The following MDGA2 variants were observed in gnomAD, a reference collection of about 807,000 sequenced individuals.
MDGA2 encodes the protein MAM domain containing glycosylphosphatidylinositol anchor 2.
A neutral mutation model predicts 117.8 loss-of-function variants in MDGA2; 40 were observed. The observed-to-expected ratio is 0.34, with a 90% confidence interval of 0.26 to 0.44. The LOEUF is 0.44. Among genes scored for constraint, MDGA2 ranks in the 20% least tolerant of loss-of-function variants. The pLI is 1.00. For missense variants in MDGA2, 1,123 were observed against 1,250.6 expected (o/e 0.90, Z 1.54); for synonymous variants, 452 against 439.0 (o/e 1.03, Z -0.37).
chr14:47,492,010 C>T (rs528417121), intron 1 of MDGA2, among the ~76,000 whole-genome samples: 71 of 152,098 alleles, frequency 4.7e-4, no homozygotes, highest in African/African-American at 1.5e-3. Context: ...TGAGTTTGGT[C>T]GGCAAATATA....
intron 5 of MDGA2, among the ~76,000 whole-genome samples, chr14:47,105,972 TAGCC>T: frequency 8.8e-4 from 1 of 1,132 alleles, no homozygotes; most frequent in East Asian, 0.25. Flanking sequence ...GTTCCGTGAC[TAGCC>T]GACTAGCCCT....
intron 2 of MDGA2, among the ~76,000 whole-genome samples, chr14:47,222,741 C>A (rs951289294): frequency 2.0e-5 from 3 of 152,064 alleles, no homozygotes; most frequent in Non-Finnish European, 4.4e-5. Flanking sequence ...GACAGGCATG[C>A]TATTGAAACT....
At chr14:47,268,455 G>T (rs1324686409) in intron 2 of MDGA2, among the ~76,000 whole-genome samples, 1 of 151,992 alleles carries the variant, frequency 6.6e-6, no homozygotes, top group Non-Finnish European at 1.5e-5. Context: ...GATACTAAAA[G>T]AACAAATGGC....
intron 1 of MDGA2, among the ~76,000 whole-genome samples, chr14:47,302,348 C>T (rs574104145): frequency 1.3e-5 from 2 of 152,290 alleles, no homozygotes; most frequent in East Asian, 3.9e-4. Context: ...TGCTGCTTGC[C>T]ATCAAGTAAA....
intron 1 of MDGA2, among the ~76,000 whole-genome samples, chr14:47,421,815 G>A (rs923738654): frequency 6.6e-6 from 1 of 152,008 alleles, no homozygotes; most frequent in Non-Finnish European, 1.5e-5. Context: ...CTTCCTAAAT[G>A]TTCTTAATTT....
chr14:47,220,904 T>C (rs751696714), intron 2 of MDGA2, among the ~76,000 whole-genome samples: 2 of 152,210 alleles, frequency 1.3e-5, no homozygotes, highest in Non-Finnish European at 2.9e-5. Flanking sequence ...TTCAGTGATA[T>C]GCAAACATTC....
At position 47,510,463 on chromosome 14, in the gene MDGA2, C is replaced by A. The variant is rs117952871; in HGVS notation, c.280+164054G>T. On this transcript the variant is annotated intron_variant, in intron 1 of 16. Coordinates refer to ENST00000399232, the MANE Select transcript of MDGA2 (RefSeq NM_001113498.3). Reference sequence around the variant, plus strand: ...AGCCCTTTTAAGCAATTCTACAAACCTTAACTTATCTTGGCCTTTAGCCTT... The same window carrying A: ...AGCCCTTTTAAGCAATTCTACAAACATTAACTTATCTTGGCCTTTAGCCTT... 2.0e-3 allele frequency among the ~76,000 whole-genome samples: 298 copies of A among 152,260 alleles called. 2 individuals are homozygous for A. The East Asian group carries it at 0.043, about 22-fold the overall frequency.
chr14:47,666,357 A>T (rs1000634730), intron 1 of MDGA2, among the ~76,000 whole-genome samples: 2 of 145,892 alleles, frequency 1.4e-5, no homozygotes, highest in African/African-American at 2.4e-5. Context: ...TCTGCTGGGG[A>T]CTTAGAGAAC....
At chr14:47,114,624 A>G (rs1397970040) in intron 5 of MDGA2, among the ~76,000 whole-genome samples, 1 of 152,168 alleles carries the variant, frequency 6.6e-6, no homozygotes, top group African/African-American at 2.4e-5. Context: ...CTGCACATCT[A>G]CAACCATCTG....
intron 1 of MDGA2, among the ~76,000 whole-genome samples, chr14:47,617,072 CTAAA>C (rs1465009722): frequency 6.6e-6 from 1 of 152,118 alleles, no homozygotes; most frequent in African/African-American, 2.4e-5. Context: ...GATCTTGTTA[CTAAA>C]TAAAGAACTT....
At chr14:47,175,870 G>A (rs1884419768) in intron 3 of MDGA2, among the ~76,000 whole-genome samples, 1 of 151,896 alleles carries the variant, frequency 6.6e-6, no homozygotes, top group Non-Finnish European at 1.5e-5. Flanking sequence ...GTCCCTGTTT[G>A]CAGACGACAT....
intron 8 of MDGA2, among the ~76,000 whole-genome samples, chr14:47,016,690 C>A (rs1331789341): frequency 6.6e-6 from 1 of 151,756 alleles, no homozygotes; most frequent in East Asian, 1.9e-4. Context: ...AATGTTTTAC[C>A]AAACAAATTC....
intron 5 of MDGA2, among the ~76,000 whole-genome samples, chr14:47,114,217 G>A (rs1214420998): frequency 6.6e-6 from 1 of 151,972 alleles, no homozygotes; most frequent in African/African-American, 2.4e-5. Context: ...AGCTAACAAG[G>A]GAAGTTAACG....
At chr14:47,464,458 G>T (rs934790942) in intron 1 of MDGA2, among the ~76,000 whole-genome samples, 2 of 151,998 alleles carry the variant, frequency 1.3e-5, no homozygotes, top group Non-Finnish European at 2.9e-5. Flanking sequence ...TGGCCCAAAA[G>T]CTCCTTTGGC....
rs1020859031 is a variant in MDGA2, at chr14:47,178,027, T to C, written c.596-33753A>G. 9.3e-4 allele frequency among the ~76,000 whole-genome samples: 141 copies of C among 152,180 alleles called. 2 individuals carry two copies. The highest frequency in any genetic ancestry group is 3.3e-3 in the African/African-American group (138 of 41,530). On this transcript the variant is annotated intron_variant, in intron 3 of 16. Coordinates refer to ENST00000399232, the MANE Select transcript of MDGA2 (RefSeq NM_001113498.3). Reference sequence around the variant, plus strand: ...ATGGCTAATAGTGTCACAAAGAAGATTCCCCTTGGAGTGCATCCCAGGGAT... The same window carrying C: ...ATGGCTAATAGTGTCACAAAGAAGACTCCCCTTGGAGTGCATCCCAGGGAT...
At chr14:47,619,289 T>C (rs1897006997) in intron 1 of MDGA2, among the ~76,000 whole-genome samples, 2 of 152,284 alleles carry the variant, frequency 1.3e-5, no homozygotes, top group South Asian at 4.1e-4. Context: ...ATTCCAAATA[T>C]AAACCACATG....
intron 8 of MDGA2, among the ~76,000 whole-genome samples, chr14:46,993,490 G>A (rs1887172781): frequency 6.6e-6 from 1 of 150,618 alleles, no homozygotes; most frequent in Non-Finnish European, 1.5e-5. Flanking sequence ...GACACAGAGT[G>A]TTGCTCTGTG....
intron 1 of MDGA2, among the ~76,000 whole-genome samples, chr14:47,388,130 A>G (rs1891802098): frequency 3.6e-4 from 2 of 5,486 alleles, no homozygotes; most frequent in South Asian, 0.2. Context: ...TTTTGTCTTT[A>G]TTGTTTTGAT....
At chr14:47,434,071 C>G (rs1442653234) in intron 1 of MDGA2, among the ~76,000 whole-genome samples, 1 of 151,956 alleles carries the variant, frequency 6.6e-6, no homozygotes, top group Non-Finnish European at 1.5e-5. Context: ...AAAAGTCACT[C>G]TGATAGCAAA....
Sources: allele counts gnomAD v4.1 joint callset (sites outside exome capture counted in the v4.1 genomes callset), GRCh38; gene constraint gnomAD v4.1.1; transcripts MANE v1.5; gene names NCBI Gene and HGNC (gene_info 2026-07-23, HGNC 2026-07-21).